ADARB2: variants seen among roughly 807,000 people sequenced by gnomAD.
ADARB2 encodes adenosine deaminase RNA specific B2 (inactive).
In ADARB2, 25 loss-of-function variants were observed where a neutral mutation model predicts 62.2. The ratio of observed to expected loss-of-function variants is 0.40; its 90% CI spans 0.29 to 0.56. The LOEUF (loss-of-function observed/expected upper bound fraction) is 0.56, where lower values mean the gene tolerates loss of function less well. Among genes scored for constraint, ADARB2 ranks in the 20% least tolerant of loss-of-function variants. The pLI, the probability that ADARB2 is intolerant of heterozygous loss-of-function variation, is 0.43. For missense variants in ADARB2, 1,071 were observed against 1,077.4 expected, an observed-to-expected ratio of 0.99 and a Z score of 0.08; for synonymous variants, 572 against 500.8, an observed-to-expected ratio of 1.14 and a Z score of -1.90.
At chr10:1,346,255 G>C (rs1832080257) in intron 3 of ADARB2, among the ~76,000 whole-genome samples, 1 of 152,204 alleles carries the variant, frequency 6.6e-6, no homozygotes, top group Admixed American at 6.5e-5. Flanking sequence ...CAGGGTCTCA[G>C]ATGTATGGGT....
At chr10:1,571,072 C>T (rs951197442) in intron 1 of ADARB2, among the ~76,000 whole-genome samples, 3 of 152,150 alleles carry the variant, frequency 2.0e-5, no homozygotes, top group Admixed American at 6.5e-5. Context: ...AAATAAATAT[C>T]GAATGATGTG....
intron 7 of ADARB2, among the ~76,000 whole-genome samples, chr10:1,202,049 A>AT (rs906902767): frequency 4.0e-5 from 6 of 151,790 alleles, no homozygotes; most frequent in Non-Finnish European, 7.4e-5. Flanking sequence ...GGGAAAGGAG[A>AT]TTTTTTGTAA....
At chr10:1,334,920 T>C (rs923049705) in intron 3 of ADARB2, among the ~76,000 whole-genome samples, 2 of 152,178 alleles carry the variant, frequency 1.3e-5, no homozygotes, top group Non-Finnish European at 2.9e-5. Context: ...TTGTCCTCAC[T>C]TCAAACTCTT....
At chr10:1,707,188 G>C (rs1315703320) in intron 1 of ADARB2, among the ~76,000 whole-genome samples, 1 of 152,200 alleles carries the variant, frequency 6.6e-6, no homozygotes, top group Non-Finnish European at 1.5e-5. Flanking sequence ...TTCCTGCACC[G>C]GCGCACAGCT....
chr10:1,236,090 T>G (rs1274717283), intron 5 of ADARB2, among the ~76,000 whole-genome samples: 1 of 3,892 alleles, frequency 2.6e-4, no homozygotes, highest in Admixed American at 2.9e-3. Flanking sequence ...GCGGGAGAGT[T>G]CCCAGCCTCT....
chr10:1,470,470 C>A (rs996396587), intron 1 of ADARB2, among the ~76,000 whole-genome samples: 4 of 152,150 alleles, frequency 2.6e-5, no homozygotes, highest in African/African-American at 9.7e-5. Context: ...ATTAACAGAA[C>A]TTTATACTTA....
At position 1,510,304 on chromosome 10, in the gene ADARB2, A is replaced by G. The variant is rs969256742; in HGVS notation, c.101-131144T>C. On this transcript the variant is annotated intron_variant, in intron 1 of 9. Coordinates refer to ENST00000381312, the MANE Select transcript of ADARB2 (RefSeq NM_018702.4). ...TAAGTGATTCTCCTGTCTCAGCTTC[A>G]TGAGTAGCTGGAATGACAGCTGCGT... Among the ~76,000 whole-genome samples, 4 of 151,762 alleles carry G rather than the reference A, an allele frequency of 2.6e-5. 1 individual carries two copies. Among genetic ancestry groups the G allele is most frequent in the Admixed American group, 6.6e-5 (1 of 15,250 alleles).
chr10:1,500,316 A>G (rs1327268503), intron 1 of ADARB2, among the ~76,000 whole-genome samples: 1 of 152,174 alleles, frequency 6.6e-6, no homozygotes, highest in Non-Finnish European at 1.5e-5. Flanking sequence ...AGGACATTTA[A>G]CCTAAGTGTT....
At chr10:1,487,112 C>T (rs1350532580) in intron 1 of ADARB2, among the ~76,000 whole-genome samples, 2 of 152,232 alleles carry the variant, frequency 1.3e-5, no homozygotes, top group Admixed American at 1.3e-4. Context: ...AGCCCGGATG[C>T]TGGGGAGGCC....
At chr10:1,736,941 CCCA>C in intron 1 of ADARB2, 107 bp downstream of exon 1, 7 of 1,148,016 alleles carry the variant, frequency 6.1e-6, no homozygotes, top group Non-Finnish European at 7.5e-6. Context: ...CCGCCAGCAC[CCCA>C]AAGTGAAGCT....
In ADARB2 at chr10:1,604,113, ATATC is replaced by A. The variant is rs554856777; in HGVS notation, c.100+132934_100+132937del. Among the ~76,000 whole-genome samples, 187 of 152,166 alleles carry A rather than the reference ATATC, an allele frequency of 1.2e-3. 2 individuals carry two copies. The highest frequency in any genetic ancestry group is 1.2e-3 in the Non-Finnish European group (83 of 68,014). ...AGCCACTGCCTCTGGCCAATATTTTATATCTATCTATCTATCTAGTCAATACTCA... is the reference window on the plus strand; with the variant it reads ...AGCCACTGCCTCTGGCCAATATTTTATATCTATCTATCTAGTCAATACTCA... On this transcript the variant is annotated intron_variant, in intron 1 of 9. Transcript: ENST00000381312.
chr10:1,496,441 TATC>T (rs927075345), intron 1 of ADARB2, among the ~76,000 whole-genome samples: 14 of 150,398 alleles, frequency 9.3e-5, no homozygotes, highest in Admixed American at 6.6e-5. Context: ...GTATCAACAT[TATC>T]ATTAGTATCA....
intron 3 of ADARB2, among the ~76,000 whole-genome samples, chr10:1,310,922 G>C (rs571026610): frequency 6.6e-6 from 1 of 152,356 alleles, no homozygotes; most frequent in South Asian, 2.1e-4. Context: ...TGCAAATTAC[G>C]TATATTTCAA....
intron 1 of ADARB2, among the ~76,000 whole-genome samples, chr10:1,623,043 A>C (rs1206473823): frequency 6.6e-6 from 1 of 152,118 alleles, no homozygotes; most frequent in Non-Finnish European, 1.5e-5. Flanking sequence ...GAGCCTCAAA[A>C]ACATTGTGCT....
At chr10:1,367,395 G>A (rs930734315) in intron 2 of ADARB2, among the ~76,000 whole-genome samples, 1 of 152,214 alleles carries the variant, frequency 6.6e-6, no homozygotes, top group Non-Finnish European at 1.5e-5. Context: ...TAGGTTTGGG[G>A]AGGTAATTTT....
intron 1 of ADARB2, among the ~76,000 whole-genome samples, chr10:1,616,921 G>C (rs945761104): frequency 1.3e-3 from 198 of 148,830 alleles, no homozygotes; most frequent in African/African-American, 4.3e-3. Context: ...TTGTGTGCCC[G>C]TCCAGACACA....
chr10:1,735,468 A>T (rs1835289169), intron 1 of ADARB2, among the ~76,000 whole-genome samples: 1 of 152,212 alleles, frequency 6.6e-6, no homozygotes, highest in South Asian at 2.1e-4. Flanking sequence ...CTTCAACTCT[A>T]AATATTTAAA....
At chr10:1,591,984 C>T (rs1190078862) in intron 1 of ADARB2, among the ~76,000 whole-genome samples, 1 of 152,208 alleles carries the variant, frequency 6.6e-6, no homozygotes, top group African/African-American at 2.4e-5. Flanking sequence ...CTCTCAGGCC[C>T]TCCTGGGCAG....
intron 1 of ADARB2, among the ~76,000 whole-genome samples, chr10:1,658,581 T>C (rs919226834): frequency 1.3e-5 from 2 of 152,222 alleles, no homozygotes; most frequent in African/African-American, 2.4e-5. Flanking sequence ...TCTCACTCCA[T>C]TGGCATCAGC....
Sources: gnomAD v4.1 joint callset for allele counts (sites outside exome capture counted in the v4.1 genomes callset) on GRCh38, gnomAD v4.1.1 for gene constraint, MANE v1.5 for transcripts, NCBI Gene and HGNC (gene_info 2026-07-23, HGNC 2026-07-21) for gene names.